Variants in ENPP3 observed in about 807,000 individuals in gnomAD.
ENPP3 encodes ectonucleotide pyrophosphatase/phosphodiesterase family member 3.
A neutral mutation model predicts 117.8 loss-of-function variants in ENPP3; 104 were observed. The observed-to-expected ratio is 0.88, with a 90% confidence interval of 0.75 to 1.04. ENPP3 has a LOEUF of 1.04. Ranked by LOEUF, ENPP3 falls within the 50% of genes least tolerant of loss-of-function variation. ENPP3 has a pLI of 0.00. For missense variants in ENPP3, 1,026 were observed against 1,051.9 expected, an observed-to-expected ratio of 0.98 and a Z score of 0.34; for synonymous variants, 380 against 349.9, an observed-to-expected ratio of 1.09 and a Z score of -0.96.
chr6:131,700,827 TG>T (rs1372574193), intron 15 of ENPP3: 1 of 1,292,188 alleles, frequency 7.7e-7, no homozygotes, highest in Non-Finnish European at 1.0e-6. Context: ...CTCATTGATG[TG>T]GGTATCTGCA....
rs200254628 is a variant in ENPP3 at position 131,675,115 on chromosome 6, C to G, written c.798C>G (p.Ala266=). ...CAGCAATGTATCAAGGTTTAAAAGC[C>G]GCTACCTACTTTTGGCCCGGATCAG... ...WLTAMYQGLK[A]ATYFWPGSEV... is the part of the protein sequence containing the mutation. Residue 266 remains alanine (A), a synonymous_variant, in exon 9 of 25, where the codon GCC becomes GCG. Transcript: ENST00000357639. 1 of 1,613,694 alleles carries G rather than the reference C, an allele frequency of 6.2e-7. No individual in the cohort carries two copies. The highest frequency in any genetic ancestry group is 1.1e-5 in the South Asian group (1 of 91,072).
At chr6:131,674,079 G>GTAA in intron 7 of ENPP3, 83 bp from the exon 8 acceptor site, 1 of 818,328 alleles carries the variant, frequency 1.2e-6, no homozygotes, top group Non-Finnish European at 2.0e-6. Flanking sequence ...TTAGGTATGA[G>GTAA]TAATAGATCG....
At chr6:131,647,956 A>G (rs1778184452) in intron 2 of ENPP3, among the ~76,000 whole-genome samples, 1 of 151,984 alleles carries the variant, frequency 6.6e-6, no homozygotes, top group South Asian at 2.1e-4. Context: ...GCAACTTTGT[A>G]TTTGTGTTTT....
intron 15 of ENPP3, among the ~76,000 whole-genome samples, chr6:131,716,927 C>T (rs56295039): frequency 0.02 from 3,006 of 150,668 alleles, 102 homozygotes; most frequent in African/African-American, 0.071. Context: ...GCCAAGATCA[C>T]GCCACTTCAC....
chr6:131,671,680 T>A lies in ENPP3; in HGVS notation c.642+353T>A, dbSNP rs551970464. 2.0e-5 allele frequency among the ~76,000 whole-genome samples: 3 copies of A among 152,204 alleles called. No individual in the cohort carries two copies. The South Asian group carries it at 6.2e-4, about 32-fold the overall frequency. ...CTATATATAGGGACAACTACTTTGATGTGGGAAATTTTGTTCTTTCCTAGT... is the reference window on the plus strand; with the variant it reads ...CTATATATAGGGACAACTACTTTGAAGTGGGAAATTTTGTTCTTTCCTAGT... On this transcript the variant is annotated intron_variant, in intron 7 of 24. Transcript: ENST00000357639.
At chr6:131,676,258 T>G (rs1033099721) in intron 9 of ENPP3, among the ~76,000 whole-genome samples, 9 of 152,146 alleles carry the variant, frequency 5.9e-5, no homozygotes, top group African/African-American at 2.2e-4. Context: ...AGTTTTTTTT[T>G]TTTTTTGGTC....
At chr6:131,694,809 A>C (rs1445733636) in intron 15 of ENPP3, among the ~76,000 whole-genome samples, 1 of 149,796 alleles carries the variant, frequency 6.7e-6, no homozygotes, top group African/African-American at 2.5e-5. Context: ...ACTCCAGCCT[A>C]GGCGACAGAT....
Position 131,729,555 on chromosome 6 carries a change from T to G in ENPP3, c.1953+3355T>G, listed in dbSNP as rs112419413. ...TTTTATCTGAGTGTCTGAATTATAT[T>G]TATTGCTTTCCTGACTTTCTATTCC... On this transcript the variant is annotated intron_variant, in intron 20 of 24. Transcript: ENST00000357639. 2.8e-3 allele frequency among the ~76,000 whole-genome samples: 428 copies of G among 152,308 alleles called. 4 individuals are homozygous for G. The highest frequency in any genetic ancestry group is 9.9e-3 in the African/African-American group (413 of 41,570).
chr6:131,739,124 G>A (rs912155659), intron 23 of ENPP3, among the ~76,000 whole-genome samples: 1 of 152,122 alleles, frequency 6.6e-6, no homozygotes, highest in African/African-American at 2.4e-5. Context: ...AGGAAACTGG[G>A]GTTAAACAAC....
intron 6 of ENPP3, among the ~76,000 whole-genome samples, chr6:131,660,499 T>C (rs944120770): frequency 6.6e-6 from 1 of 152,230 alleles, no homozygotes; most frequent in Non-Finnish European, 1.5e-5. Flanking sequence ...ATCAGGAAAC[T>C]GTCAAGTGGG....
intron 24 of ENPP3, among the ~76,000 whole-genome samples, chr6:131,744,180 T>G (rs1206376840): frequency 6.6e-6 from 1 of 152,246 alleles, no homozygotes; most frequent in Non-Finnish European, 1.5e-5. Flanking sequence ...TTAGATCATA[T>G]TTCCTTATTT....
chr6:131,691,774 G>C (rs966039931), intron 14 of ENPP3, among the ~76,000 whole-genome samples: 1 of 152,048 alleles, frequency 6.6e-6, no homozygotes, highest in Non-Finnish European at 1.5e-5. Context: ...TTACACACAG[G>C]GACAAATTAT....
intron 2 of ENPP3, among the ~76,000 whole-genome samples, chr6:131,644,149 G>A (rs1778110116): frequency 6.6e-6 from 1 of 152,144 alleles, no homozygotes; most frequent in African/African-American, 2.4e-5. Context: ...AGGACTAGAG[G>A]GAGGTGGTCA....
intron 2 of ENPP3, among the ~76,000 whole-genome samples, chr6:131,646,003 G>T (rs371894982): frequency 2.0e-5 from 3 of 152,160 alleles, no homozygotes; most frequent in East Asian, 3.9e-4. Flanking sequence ...TCACCTCCCT[G>T]TTCTAAGATC....
rs1361954784 is a variant in ENPP3 at position 131,722,364 on chromosome 6, C to G, written c.1705C>G (p.Pro569Ala). 6.2e-7 allele frequency: 1 copy of G among 1,613,998 alleles called. No homozygotes were observed. The highest frequency in any genetic ancestry group is 1.1e-5 in the South Asian group (1 of 91,070). The change falls in exon 18 of 25, where the codon CCC becomes GCC. Residue 569 changes from proline (P) to alanine (A), a missense_variant. By Grantham distance (27) the Pro-to-Ala change is conservative. Transcript: ENST00000357639. Reference protein sequence around the residue: ...FSVCGFANPLPTESLDCFCPH... With the variant: ...FSVCGFANPLATESLDCFCPH... ...TGTTTGTGGCTTTGCTAATCCATTG[C>G]CCACAGAGTCTCTTGACTGTTTCTG...
intron 9 of ENPP3, 59 bp downstream of exon 9, chr6:131,675,248 G>A: frequency 3.5e-6 from 4 of 1,138,454 alleles, no homozygotes; most frequent in Admixed American, 1.8e-5. Flanking sequence ...GATGTTTTCT[G>A]TCTTAATCTT....
In ENPP3 at chr6:131,657,938, G is replaced by A. The variant is rs377052209; in HGVS notation, c.465-385G>A. ...CAGCACTTTGGAGGCCAAGGCGGGCGGATCACTTGAGGTCAGGAGTGGGAG... is the reference window on the plus strand; with the variant it reads ...CAGCACTTTGGAGGCCAAGGCGGGCAGATCACTTGAGGTCAGGAGTGGGAG... On this transcript the variant is annotated intron_variant, in intron 5 of 24. Transcript: ENST00000357639. Among the ~76,000 whole-genome samples the A allele has an allele frequency of 3.2e-4, 49 of 152,074 alleles. 1 individual carries two copies. The South Asian group carries it at 3.7e-3, about 12-fold the overall frequency.
Position 131,720,273 on chromosome 6 carries a change from T to A in ENPP3, c.1480-19T>A, listed in dbSNP as rs773577309. 5 of 1,436,996 alleles carry A rather than the reference T, an allele frequency of 3.5e-6. No homozygotes were observed. The Admixed American group carries it at 1.1e-4, about 31-fold the overall frequency. The allele number at this position is 1,436,996 out of a possible 1,614,324, so 89.0% of individuals were successfully genotyped here. A position where few individuals can be genotyped will look rare whatever the true frequency, so the allele number is the denominator to read the frequency against. On this transcript the variant is annotated intron_variant, in intron 16 of 24. Coordinates refer to ENST00000357639, the MANE Select transcript of ENPP3 (RefSeq NM_005021.5). ...TTTGGATGACATCTAATAATAATAATCTGACTATTATGACCTAGGCTATCT... is the reference window on the plus strand; with the variant it reads ...TTTGGATGACATCTAATAATAATAAACTGACTATTATGACCTAGGCTATCT...
chr6:131,712,770 GGT>G (rs1024686606), intron 15 of ENPP3, among the ~76,000 whole-genome samples: 1 of 142,808 alleles, frequency 7.0e-6, no homozygotes, highest in Non-Finnish European at 1.5e-5. Context: ...TGCTTCTTTT[GGT>G]TCCCAAGACC....
Sources: gnomAD v4.1 joint callset for allele counts (sites outside exome capture counted in the v4.1 genomes callset) on GRCh38, gnomAD v4.1.1 for gene constraint, MANE v1.5 for transcripts, NCBI Gene and HGNC (gene_info 2026-07-23, HGNC 2026-07-21) for gene names.